The following TNFAIP8 variants were observed in gnomAD, a reference collection of about 807,000 sequenced individuals.
The protein encoded by TNFAIP8 is tumor necrosis factor alpha-induced protein 8.
In TNFAIP8, 7 loss-of-function variants were observed where a neutral mutation model predicts 13.3. The observed-to-expected ratio is 0.52, with a 90% CI of 0.30 to 0.99. The LOEUF (loss-of-function observed/expected upper bound fraction) is 0.99, where lower values mean the gene tolerates loss of function less well. Among genes scored for constraint, TNFAIP8 ranks in the 50% least tolerant of loss-of-function variants. TNFAIP8 has a pLI of 0.07. For missense variants in TNFAIP8, 258 were observed against 236.9 expected (o/e 1.09, Z -0.58); for synonymous variants, 94 against 87.6 (o/e 1.07, Z -0.41).
chr5:119,317,067 T>C (rs1749921109), intron 1 of TNFAIP8, among the ~76,000 whole-genome samples: 1 of 152,192 alleles, frequency 6.6e-6, no homozygotes, highest in Non-Finnish European at 1.5e-5. Context: ...TGTAGAACTT[T>C]ACATTTTTAG....
At chr5:119,365,786 A>G (rs536080737) in intron 1 of TNFAIP8, among the ~76,000 whole-genome samples, 1 of 152,232 alleles carries the variant, frequency 6.6e-6, no homozygotes, top group Non-Finnish European at 1.5e-5. Context: ...ATGCCTCCTC[A>G]ATATCACAAG....
intron 1 of TNFAIP8, among the ~76,000 whole-genome samples, chr5:119,338,387 T>C (rs893812323): frequency 6.6e-6 from 1 of 152,174 alleles, no homozygotes; most frequent in African/African-American, 2.4e-5. Flanking sequence ...ACCCAGGTCC[T>C]ACCTTACAGA....
At chr5:119,314,571 A>T (rs1189341862) in intron 1 of TNFAIP8, among the ~76,000 whole-genome samples, 1 of 152,230 alleles carries the variant, frequency 6.6e-6, no homozygotes, top group Non-Finnish European at 1.5e-5. Flanking sequence ...CAAATCAGTA[A>T]GAACTTGAAA....
chr5:119,348,880 C>CAA (rs60633145), intron 1 of TNFAIP8, among the ~76,000 whole-genome samples: 64 of 90,960 alleles, frequency 7.0e-4, no homozygotes, highest in East Asian at 6.7e-3. Flanking sequence ...AACTCCATCT[C>CAA]AAAAAAAAAA....
At chr5:119,388,713 A>C (rs1752775068) in intron 1 of TNFAIP8, among the ~76,000 whole-genome samples, 1 of 151,530 alleles carries the variant, frequency 6.6e-6, no homozygotes, top group African/African-American at 2.4e-5. Context: ...ATTATAGCTC[A>C]CTGCAGCTCT....
Position 119,380,433 on chromosome 5 carries a change from C to G in TNFAIP8, c.32-12383C>G, listed in dbSNP as rs115148619. ...AAATATTCATCAAGAGTCAGGGCCT[C>G]TGGCAGGACGGGAGAATTTAGGGAT... On this transcript the variant is annotated intron_variant, in intron 1 of 1. Coordinates refer to ENST00000504771, the MANE Select transcript of TNFAIP8 (RefSeq NM_014350.4). Among the ~76,000 whole-genome samples the G allele has an allele frequency of 5.4e-3, 824 of 152,296 alleles. 5 individuals carry two copies. The highest frequency in any genetic ancestry group is 0.019 in the African/African-American group (778 of 41,544).
At chr5:119,353,600 A>T (rs1751259323), upstream of TNFAIP8, among the ~76,000 whole-genome samples, 1 of 152,244 alleles carries the variant, frequency 6.6e-6, no homozygotes. Flanking sequence ...CCTGAGGCCG[A>T]TGGTGAATGT....
intron 1 of TNFAIP8, among the ~76,000 whole-genome samples, chr5:119,303,995 C>G (rs1749474817): frequency 6.6e-6 from 1 of 152,234 alleles, no homozygotes; most frequent in Non-Finnish European, 1.5e-5. Context: ...AATGGAGTGA[C>G]TGCCCTCCTG....
At chr5:119,353,873 T>A (rs1238013360), upstream of TNFAIP8, among the ~76,000 whole-genome samples, 1 of 152,254 alleles carries the variant, frequency 6.6e-6, no homozygotes, top group Admixed American at 6.5e-5. Context: ...TGGATTTGCA[T>A]AATCATCACC....
chr5:119,279,627 A>G (rs554401413), intron 1 of TNFAIP8, among the ~76,000 whole-genome samples: 33 of 152,102 alleles, frequency 2.2e-4, no homozygotes, highest in African/African-American at 7.7e-4. Flanking sequence ...CTGGAGTGCA[A>G]TGGCTATTCA....
chr5:119,338,114 C>T (rs547711556), intron 1 of TNFAIP8, among the ~76,000 whole-genome samples: 10 of 150,502 alleles, frequency 6.6e-5, no homozygotes, highest in Non-Finnish European at 1.0e-4. Context: ...CCAGGGCAGA[C>T]CTGACATCCT....
intron 1 of TNFAIP8, among the ~76,000 whole-genome samples, chr5:119,281,695 A>G (rs1020593537): frequency 6.6e-6 from 1 of 152,252 alleles, no homozygotes; most frequent in African/African-American, 2.4e-5. Context: ...ATTGTTATAT[A>G]TTAAAATATC....
At chr5:119,311,046 A>G (rs765249322) in intron 1 of TNFAIP8, among the ~76,000 whole-genome samples, 4 of 152,064 alleles carry the variant, frequency 2.6e-5, no homozygotes, top group Non-Finnish European at 5.9e-5. Flanking sequence ...TTTTTGAGAC[A>G]AGGTCTTGCT....
Position 119,331,441 on chromosome 5 carries a change from G to T in TNFAIP8, c.2-61375G>T, listed in dbSNP as rs1581610596. On this transcript the variant is annotated intron_variant, in intron 1 of 1. Transcript: ENST00000274456. ...ATCCGGGGATATCTTGGGCATTCTAGTCTCAAGTGAGAGAAAAGGAGTGTC... is the reference window on the plus strand; with the variant it reads ...ATCCGGGGATATCTTGGGCATTCTATTCTCAAGTGAGAGAAAAGGAGTGTC... Among the ~76,000 whole-genome samples the T allele has an allele frequency of 3.3e-5, 5 of 152,270 alleles. 1 individual carries two copies. The South Asian group carries it at 1.0e-3, about 32-fold the overall frequency.
chr5:119,356,490 G>T (rs1012921038), intron 1 of TNFAIP8, among the ~76,000 whole-genome samples: 2 of 152,212 alleles, frequency 1.3e-5, no homozygotes, highest in Admixed American at 1.3e-4. Context: ...CCCTGGAAGA[G>T]CCCTGAGTGG....
chr5:119,360,805 A>G (rs918539040), intron 1 of TNFAIP8, among the ~76,000 whole-genome samples: 3 of 152,232 alleles, frequency 2.0e-5, no homozygotes, highest in African/African-American at 7.2e-5. Flanking sequence ...TAAAACGCAG[A>G]TGAATGTTTA....
intron 1 of TNFAIP8, among the ~76,000 whole-genome samples, chr5:119,368,182 C>T (rs1450747910): frequency 6.6e-6 from 1 of 152,060 alleles, no homozygotes; most frequent in East Asian, 1.9e-4. Context: ...AGTTGCTTCC[C>T]ATCAGTCTTG....
chr5:119,300,285 T>G (rs1749345526), intron 1 of TNFAIP8, among the ~76,000 whole-genome samples: 2 of 152,214 alleles, frequency 1.3e-5, no homozygotes. Context: ...AGCAGGAACT[T>G]GAGAAAATCA....
At position 119,342,516 on chromosome 5, in the gene TNFAIP8, T is replaced by A. The variant is rs1334442101; in HGVS notation, c.2-50300T>A. ...TAAAGCTGTGCTAAATTTGCAGGGT[T>A]TTTTTTTGATAATGCTTTCTCCTCA... is the stretch of plus-strand genomic sequence containing the variant. On this transcript the variant is annotated intron_variant, in intron 1 of 1. Transcript: ENST00000274456. 2.0e-5 allele frequency among the ~76,000 whole-genome samples: 3 copies of A among 152,090 alleles called. No individual in the cohort carries two copies. In the East Asian group the frequency reaches 5.8e-4, roughly 29 times the overall value.
Sources: allele counts gnomAD v4.1 joint callset (sites outside exome capture counted in the v4.1 genomes callset), GRCh38; gene constraint gnomAD v4.1.1; transcripts MANE v1.5; gene names NCBI Gene and HGNC (gene_info 2026-07-23, HGNC 2026-07-21).